ATP8A1: variants seen among roughly 807,000 people sequenced by gnomAD.
ATP8A1 encodes the protein ATPase phospholipid transporting 8A1.
A neutral mutation model predicts 177.7 loss-of-function variants in ATP8A1; 90 were observed. The ratio of observed to expected loss-of-function variants is 0.51; its 90% confidence interval spans 0.43 to 0.60. The LOEUF (loss-of-function observed/expected upper bound fraction) is 0.60. ATP8A1 is among the 20% of genes least tolerant of loss of function. The pLI, the probability that ATP8A1 is intolerant of heterozygous loss-of-function variation, is 0.00. For synonymous variants in ATP8A1, 493 were observed against 485.9 expected, an observed-to-expected ratio of 1.01 and a Z score of -0.19; for missense variants, 1,072 against 1,392.8, an observed-to-expected ratio of 0.77 and a Z score of 3.67.
At chr4:42,621,392 C>T (rs1024520602) in intron 4 of ATP8A1, among the ~76,000 whole-genome samples, 1 of 152,162 alleles carries the variant, frequency 6.6e-6, no homozygotes, top group African/African-American at 2.4e-5. Flanking sequence ...TAAATTGGAG[C>T]GTTCTAAATT....
At chr4:42,434,333 T>C (rs1715661696) in intron 33 of ATP8A1, among the ~76,000 whole-genome samples, 1 of 152,194 alleles carries the variant, frequency 6.6e-6, no homozygotes, top group South Asian at 2.1e-4. Flanking sequence ...TGGTTCTGCA[T>C]TTTACCTTTT....
chr4:42,424,248 T>A (rs1020759705), intron 33 of ATP8A1, among the ~76,000 whole-genome samples: 2 of 152,126 alleles, frequency 1.3e-5, no homozygotes, highest in East Asian at 1.9e-4. Context: ...AATACCAAAT[T>A]GCTGTATTAG....
At chr4:42,633,318 T>A (rs1205405004) in intron 1 of ATP8A1, among the ~76,000 whole-genome samples, 2 of 152,214 alleles carry the variant, frequency 1.3e-5, no homozygotes, top group African/African-American at 4.8e-5. Context: ...CTCAATAGTA[T>A]AAGTGAAAGG....
intron 1 of ATP8A1, among the ~76,000 whole-genome samples, chr4:42,628,796 C>T (rs919995047): frequency 5.9e-5 from 9 of 152,146 alleles, no homozygotes; most frequent in African/African-American, 1.9e-4. Flanking sequence ...TGTGCTGTTC[C>T]CCGCCTCTGG....
intron 9 of ATP8A1, among the ~76,000 whole-genome samples, chr4:42,582,287 T>C (rs1038775741): frequency 7.9e-5 from 12 of 152,162 alleles, no homozygotes; most frequent in East Asian, 1.9e-4. Context: ...ACCTAGTCTA[T>C]GGTGTTTTGT....
Position 42,651,249 on chromosome 4 carries a change from T to C in ATP8A1, c.49+5576A>G, listed in dbSNP as rs893634477. 2.6e-5 allele frequency among the ~76,000 whole-genome samples: 4 copies of C among 152,102 alleles called. No homozygotes were observed. In the East Asian group the frequency reaches 5.8e-4, roughly 22 times the overall value. On this transcript the variant is annotated intron_variant, in intron 1 of 36. Coordinates refer to ENST00000381668, the MANE Select transcript of ATP8A1 (RefSeq NM_006095.2). ...TCTCGGTACGTCTTCATCAGGAGCA[T>C]GAAAACAGACTAATACAGTACATTG...
chr4:42,627,287 G>A (rs2109493868), intron 1 of ATP8A1, among the ~76,000 whole-genome samples, 178 bp from the exon 2 acceptor site: 1 of 151,938 alleles, frequency 6.6e-6, no homozygotes, highest in South Asian at 2.1e-4. Flanking sequence ...AGATTTAAAG[G>A]GCAGCATTTA....
rs1468128450 is a variant in ATP8A1 at position 42,422,868 on chromosome 4, C to T, written c.3244G>A (p.Asp1082Asn). 12 of 1,612,368 alleles carry T rather than the reference C, an allele frequency of 7.4e-6. No individual in the cohort carries two copies. Among genetic ancestry groups the T allele is most frequent in the Middle Eastern group, 1.7e-4 (1 of 6,060 alleles). ...IKRTAFKTLVDEVQELEAKSQ... is the reference protein window; with the variant it reads ...IKRTAFKTLVNEVQELEAKSQ... ...TTTGCCTCCAGCTCCTGAACTTCATCGACCAATGTTTTAAAAGCAGTCCTC... is the reference window on the plus strand; with the variant it reads ...TTTGCCTCCAGCTCCTGAACTTCATTGACCAATGTTTTAAAAGCAGTCCTC... Residue 1082 changes from aspartate to asparagine, a missense_variant, in exon 35 of 37, where the codon GAT becomes AAT. Transcript: ENST00000381668.
intron 23 of ATP8A1, among the ~76,000 whole-genome samples, chr4:42,504,645 T>G (rs554304652): frequency 6.6e-6 from 1 of 152,382 alleles, no homozygotes; most frequent in East Asian, 1.9e-4. Context: ...CCTGGATTAA[T>G]GCAATAAGCC....
chr4:42,471,459 A>G (rs747238488), intron 25 of ATP8A1, among the ~76,000 whole-genome samples: 1 of 152,222 alleles, frequency 6.6e-6, no homozygotes, highest in Non-Finnish European at 1.5e-5. Flanking sequence ...CTTTTGTAGA[A>G]TTTATGTGGT....
chr4:42,627,279 A>G (rs939040099), intron 1 of ATP8A1, among the ~76,000 whole-genome samples, 170 bp from the exon 2 acceptor site: 1 of 152,212 alleles, frequency 6.6e-6, no homozygotes, highest in African/African-American at 2.4e-5. Context: ...TTTCTACTAG[A>G]TTTAAAGGGC....
chr4:42,455,023 T>C (rs950114651), intron 29 of ATP8A1, among the ~76,000 whole-genome samples: 1 of 152,194 alleles, frequency 6.6e-6, no homozygotes, highest in African/African-American at 2.4e-5. Context: ...ATGATTTTTA[T>C]ACGTCAGGCC....
chr4:42,555,716 G>A (rs1730151246), intron 16 of ATP8A1, among the ~76,000 whole-genome samples: 1 of 152,028 alleles, frequency 6.6e-6, no homozygotes, highest in Admixed American at 6.5e-5. Context: ...CCAGCTACTG[G>A]GGAGGCTGAG....
intron 6 of ATP8A1, among the ~76,000 whole-genome samples, chr4:42,598,414 CCA>C (rs1433524804): frequency 6.6e-6 from 1 of 152,014 alleles, no homozygotes; most frequent in African/African-American, 2.4e-5. Flanking sequence ...TTTTTGCAAA[CCA>C]CAGTGTTTTA....
At chr4:42,555,238 C>G (rs1730083599) in intron 16 of ATP8A1, among the ~76,000 whole-genome samples, 1 of 150,742 alleles carries the variant, frequency 6.6e-6, no homozygotes, top group African/African-American at 2.5e-5. Context: ...CTAATACAGT[C>G]AGTAACTTCA....
intron 5 of ATP8A1, among the ~76,000 whole-genome samples, chr4:42,603,152 T>A (rs1165577440): frequency 6.6e-6 from 1 of 152,188 alleles, no homozygotes; most frequent in Non-Finnish European, 1.5e-5. Flanking sequence ...ATGAATAAGC[T>A]CCAGAGAACA....
chr4:42,477,109 T>G (rs181653505), intron 25 of ATP8A1, among the ~76,000 whole-genome samples: 2 of 152,352 alleles, frequency 1.3e-5, no homozygotes, highest in African/African-American at 2.4e-5. Flanking sequence ...TTTCCCATTG[T>G]TCACCGCTCT....
chr4:42,511,865 T>C (rs926245137), intron 22 of ATP8A1, among the ~76,000 whole-genome samples: 2 of 152,200 alleles, frequency 1.3e-5, no homozygotes, highest in Admixed American at 6.5e-5. Flanking sequence ...GAGAAAGATA[T>C]AATAATCAAA....
At chr4:42,656,729 A>G in intron 1 of ATP8A1, 96 bp downstream of exon 1, 1 of 1,320,008 alleles carries the variant, frequency 7.6e-7, no homozygotes, top group Non-Finnish European at 1.0e-6. Flanking sequence ...GCCGGGGAAG[A>G]GGTAGGATGC....
Sources: gnomAD v4.1 joint callset for allele counts (sites outside exome capture counted in the v4.1 genomes callset) on GRCh38, gnomAD v4.1.1 for gene constraint, MANE v1.5 for transcripts, NCBI Gene and HGNC (gene_info 2026-07-23, HGNC 2026-07-21) for gene names.